GOLIM4: variants seen among roughly 807,000 people sequenced by gnomAD.
GOLIM4 encodes the protein golgi integral membrane protein 4.
Under a neutral mutation model 107.4 loss-of-function variants are expected in GOLIM4, and 71 were observed. The ratio of observed to expected loss-of-function variants is 0.66; its 90% CI spans 0.55 to 0.81. GOLIM4 has a LOEUF of 0.81. Among genes scored for constraint, GOLIM4 ranks in the 30% least tolerant of loss-of-function variants. GOLIM4 has a pLI of 0.00. For missense variants in GOLIM4, 830 were observed against 826.1 expected (o/e 1.00, Z -0.06); for synonymous variants, 327 against 294.8 (o/e 1.11, Z -1.12).
Position 168,029,889 on chromosome 3 carries a change from G to C in GOLIM4, c.1324C>G (p.His442Asp). The change falls in exon 10 of 16, where the codon CAC (histidine) becomes GAC (aspartate). Residue 442 changes from histidine to aspartate, a missense_variant. Physicochemically the swap from His to Asp is moderately conservative, Grantham distance 81 (BLOSUM62 -1). Transcript: ENST00000470487. ...TGCTGTTCCTGCTGCCGTAGTAAGTGCCCCTGCAGCCTCTGCTGGTGCAAA... is the reference window on the plus strand; with the variant it reads ...TGCTGTTCCTGCTGCCGTAGTAAGTCCCCCTGCAGCCTCTGCTGGTGCAAA... Reference protein sequence around the residue: ...EALHQQRLQGHLLRQQEQQQQ... With the variant: ...EALHQQRLQGDLLRQQEQQQQ... 1 of 1,614,074 alleles carries C rather than the reference G, an allele frequency of 6.2e-7. No homozygotes were observed. Among genetic ancestry groups the C allele is most frequent in the African/African-American group, 1.3e-5 (1 of 75,030 alleles).
chr3:168,080,528 C>T (rs1215164964), intron 1 of GOLIM4, among the ~76,000 whole-genome samples: 1 of 152,156 alleles, frequency 6.6e-6, no homozygotes, highest in Non-Finnish European at 1.5e-5. Flanking sequence ...AGCGCAGTCG[C>T]CAAGTCATTC....
chr3:168,058,807 A>G (rs1720111846), intron 1 of GOLIM4, among the ~76,000 whole-genome samples: 1 of 152,224 alleles, frequency 6.6e-6, no homozygotes, highest in Admixed American at 6.5e-5. Flanking sequence ...AAGTGTATAT[A>G]CATATATATT....
chr3:168,094,637 C>A (rs1320505275), intron 1 of GOLIM4, among the ~76,000 whole-genome samples: 1 of 152,176 alleles, frequency 6.6e-6, no homozygotes. Flanking sequence ...CCTTGAAAAA[C>A]AGCACAGTTT....
intron 1 of GOLIM4, among the ~76,000 whole-genome samples, chr3:168,069,126 C>A (rs559063751): frequency 6.6e-6 from 1 of 152,246 alleles, no homozygotes; most frequent in East Asian, 1.9e-4. Context: ...AGCCACCATG[C>A]CCGGCCTGCA....
At position 168,041,411 on chromosome 3, in the gene GOLIM4, G is replaced by T. The variant is rs775068707; in HGVS notation, c.581C>A (p.Thr194Lys). 2.5e-6 allele frequency: 4 copies of T among 1,583,648 alleles called. No individual in the cohort carries two copies. In the Admixed American group the frequency reaches 5.0e-5, roughly 20 times the overall value. ...QLRKAHQDIH[T>K]QLQDVKQQHK... is the part of the protein sequence containing the mutation. ...TTTTACCTTGACATCTTGAAGCTGT[G>T]TATGTATGTCTTGGTGTGCTTTCCT... Residue 194 changes from threonine to lysine, a missense_variant, in exon 6 of 16, where the codon ACA (threonine) becomes AAA (lysine). Transcript: ENST00000470487.
intron 14 of GOLIM4, among the ~76,000 whole-genome samples, chr3:168,012,848 T>C (rs1717134731): frequency 6.6e-6 from 1 of 151,910 alleles, no homozygotes. Context: ...CTGAGAGATT[T>C]TGTCACCACC....
At chr3:168,025,758 G>A (rs1717960876) in intron 12 of GOLIM4, among the ~76,000 whole-genome samples, 1 of 152,162 alleles carries the variant, frequency 6.6e-6, no homozygotes, top group African/African-American at 2.4e-5. Flanking sequence ...CTGCCCAATA[G>A]GGCAATATAT....
intron 1 of GOLIM4, among the ~76,000 whole-genome samples, chr3:168,057,989 T>TA (rs1430737862): frequency 6.6e-6 from 1 of 152,156 alleles, no homozygotes; most frequent in East Asian, 1.9e-4. Flanking sequence ...AGAAAAGAGA[T>TA]AGATAACAGA....
At chr3:168,084,314 A>G (rs1039036022) in intron 1 of GOLIM4, among the ~76,000 whole-genome samples, 1 of 152,238 alleles carries the variant, frequency 6.6e-6, no homozygotes, top group African/African-American at 2.4e-5. Context: ...CCTATTTTCT[A>G]TATAAACCAG....
At chr3:168,021,796 T>TC (rs1422666891) in intron 14 of GOLIM4, among the ~76,000 whole-genome samples, 1 of 152,242 alleles carries the variant, frequency 6.6e-6, no homozygotes, top group Non-Finnish European at 1.5e-5. Flanking sequence ...ACTTATTCTC[T>TC]TCTGCATGTT....
intron 14 of GOLIM4, among the ~76,000 whole-genome samples, chr3:168,013,769 C>T (rs1320724377): frequency 4.0e-5 from 6 of 150,588 alleles, no homozygotes; most frequent in Non-Finnish European, 1.5e-5. Flanking sequence ...GGAAACTGAA[C>T]AACCTGCTCC....
At chr3:168,058,577 A>G (rs7620784) in intron 1 of GOLIM4, among the ~76,000 whole-genome samples, 26,740 of 152,180 alleles carry the variant, frequency 0.18, 2,551 homozygotes, top group Middle Eastern at 0.24. Flanking sequence ...ACAAAAGCTT[A>G]TAACAAATAA....
chr3:168,054,865 G>A (rs1719857113), intron 1 of GOLIM4, among the ~76,000 whole-genome samples: 1 of 152,142 alleles, frequency 6.6e-6, no homozygotes, highest in East Asian at 1.9e-4. Flanking sequence ...TCATGGGGCA[G>A]GTTTTTCCTG....
At chr3:168,087,240 A>G (rs539674134) in intron 1 of GOLIM4, among the ~76,000 whole-genome samples, 197 of 152,346 alleles carry the variant, frequency 1.3e-3, no homozygotes, top group African/African-American at 4.6e-3. Context: ...TGATTTACAT[A>G]GCATTAATGA....
intron 1 of GOLIM4, among the ~76,000 whole-genome samples, chr3:168,060,664 G>A (rs989390185): frequency 1.3e-5 from 2 of 152,124 alleles, no homozygotes; most frequent in African/African-American, 2.4e-5. Flanking sequence ...AATAATCCGC[G>A]GTATTCCTCA....
chr3:168,012,701 C>T lies in GOLIM4; in HGVS notation c.1861-1878G>A, dbSNP rs967235595. 3.3e-5 allele frequency among the ~76,000 whole-genome samples: 5 copies of T among 151,970 alleles called. 1 individual carries two copies. The highest frequency in any genetic ancestry group is 2.6e-4 in the Admixed American group (4 of 15,272). ...CTAACAGCGGATCTCTCGGCAGAAA[C>T]TCTACAAGCCAGAAGAGAGTGGGGG... On this transcript the variant is annotated intron_variant, in intron 14 of 15. Transcript: ENST00000470487.
rs1721348326 is a variant in GOLIM4 at position 168,081,258 on chromosome 3, C to A, written c.187+13841G>T. On this transcript the variant is annotated intron_variant, in intron 1 of 15. Coordinates refer to ENST00000470487, the MANE Select transcript of GOLIM4 (RefSeq NM_014498.5). ...GCTGAATTCTCCCCAGTGACTATCA[C>A]CCTTGTCACCCTGGGACCCAATCCT... Among the ~76,000 whole-genome samples, 4 of 152,288 alleles carry A rather than the reference C, an allele frequency of 2.6e-5. No individual in the cohort carries two copies. The South Asian group carries it at 8.3e-4, about 32-fold the overall frequency.
rs773366613 is a variant in GOLIM4, at chr3:168,036,840, T to C, written c.839A>G (p.Gln280Arg). 4.3e-6 allele frequency: 7 copies of C among 1,612,268 alleles called. No individual in the cohort carries two copies. Among genetic ancestry groups the C allele is most frequent in the Non-Finnish European group, 5.9e-6 (7 of 1,178,764 alleles). The change falls in exon 8 of 16, where the codon CAG becomes CGG. Residue 280 changes from glutamine (Q) to arginine (R), a missense_variant. Gln to Arg is a conservative substitution (Grantham distance 43). Coordinates refer to ENST00000470487, the MANE Select transcript of GOLIM4 (RefSeq NM_014498.5). ...TTACCAGTTCACGCCCCTTACCTCC[T>C]GCACCTCTCGGGTTGGCTTCTCCCT... ...TAREKPTREV[Q>R]EVSRNNDVWQ...
At chr3:168,023,781 G>A (rs555244981) in intron 14 of GOLIM4, among the ~76,000 whole-genome samples, 12 of 152,258 alleles carry the variant, frequency 7.9e-5, no homozygotes, top group South Asian at 4.1e-4. Flanking sequence ...TTTATGCAGC[G>A]GAATGCTGTG....
Sources: gnomAD v4.1 joint callset for allele counts (sites outside exome capture counted in the v4.1 genomes callset) on GRCh38, gnomAD v4.1.1 for gene constraint, MANE v1.5 for transcripts, NCBI Gene and HGNC (gene_info 2026-07-23, HGNC 2026-07-21) for gene names.